SKIC8: variants seen among roughly 807,000 people sequenced by gnomAD.
SKIC8 encodes SKI8 subunit of superkiller complex.
chr15:78,289,102 C>T, the SKIC8 span, among the ~76,000 whole-genome samples: 1 of 152,266 alleles, frequency 6.6e-6, no homozygotes, highest in Admixed American at 6.5e-5. Context: ...GTTACAAGAA[C>T]TAGTATGTCT....
At chr15:78,293,315 G>A in the SKIC8 span, 18 of 1,550,794 alleles carry the variant, frequency 1.2e-5, no homozygotes, top group Non-Finnish European at 1.5e-5. Flanking sequence ...TCTTGCATAC[G>A]ACTTAATGAA....
the SKIC8 span, chr15:78,295,578 G>T: frequency 2.3e-5 from 36 of 1,544,818 alleles, no homozygotes; most frequent in African/African-American, 4.9e-4. Flanking sequence ...AGGCAAGAAT[G>T]AGATGCTAGT....
the SKIC8 span, among the ~76,000 whole-genome samples, chr15:78,287,761 C>T: frequency 4.6e-5 from 7 of 152,138 alleles, no homozygotes; most frequent in Non-Finnish European, 1.0e-4. Flanking sequence ...TTTACAATGA[C>T]GGCTGTGAAT....
the SKIC8 span, chr15:78,285,612 C>T: frequency 1.9e-6 from 1 of 538,170 alleles, no homozygotes; most frequent in Admixed American, 3.1e-5. Flanking sequence ...CCTGTTAAAG[C>T]TTCAAAACCA....
chr15:78,287,980 C>T, the SKIC8 span, among the ~76,000 whole-genome samples: 3 of 152,130 alleles, frequency 2.0e-5, no homozygotes, highest in African/African-American at 7.2e-5. Flanking sequence ...GGCTCCATTT[C>T]CTCATCTGTA....
chr15:78,299,108 G>A, the SKIC8 span, among the ~76,000 whole-genome samples: 3 of 152,170 alleles, frequency 2.0e-5, no homozygotes, highest in Non-Finnish European at 4.4e-5. Context: ...ACTCAGGCAA[G>A]TCAACAGCCC....
chr15:78,291,314 A>T, the SKIC8 span: 1 of 152,170 alleles, frequency 6.6e-6, no homozygotes, highest in Non-Finnish European at 1.5e-5. Context: ...CCCAAGATGA[A>T]AAGGTAGAAA....
chr15:78,290,242 A>C, the SKIC8 span: 1 of 862,860 alleles, frequency 1.2e-6, no homozygotes, highest in Non-Finnish European at 1.7e-6. Flanking sequence ...AAAGATGCTA[A>C]TTCTTTATCA....
chr15:78,290,209 C>T, the SKIC8 span: 2 of 1,138,820 alleles, frequency 1.8e-6, no homozygotes, highest in Middle Eastern at 2.1e-4. Flanking sequence ...GTAGCAGTGT[C>T]CTGATTCAGA....
At chr15:78,286,144 A>C in the SKIC8 span, 1 of 1,610,444 alleles carries the variant, frequency 6.2e-7, no homozygotes, top group Non-Finnish European at 8.5e-7. Flanking sequence ...CTGAAATGGG[A>C]AAGTTTCAAA....
the SKIC8 span, among the ~76,000 whole-genome samples, chr15:78,293,997 C>T: frequency 5.9e-5 from 9 of 152,186 alleles, no homozygotes; most frequent in Non-Finnish European, 1.0e-4. Context: ...AGGCTTTACC[C>T]CTGCCTGGCA....
the SKIC8 span, chr15:78,284,215 G>C: frequency 1.3e-5 from 2 of 152,126 alleles, no homozygotes; most frequent in Non-Finnish European, 2.9e-5. Flanking sequence ...TGGGCTGCAT[G>C]ATGGCCTTTC....
the SKIC8 span, chr15:78,284,864 TG>T: frequency 5.7e-6 from 1 of 176,408 alleles, no homozygotes; most frequent in Non-Finnish European, 1.2e-5. Flanking sequence ...GTCCCAAAAA[TG>T]ACAAGCGATG....
At chr15:78,297,190 A>G in the SKIC8 span, among the ~76,000 whole-genome samples, 2,066 of 152,338 alleles carry the variant, frequency 0.014, 16 homozygotes, top group South Asian at 0.031. Flanking sequence ...ATCACCGACA[A>G]AAAGCACAAA....
At chr15:78,297,341 T>C in the SKIC8 span, among the ~76,000 whole-genome samples, 2 of 152,228 alleles carry the variant, frequency 1.3e-5, no homozygotes, top group Non-Finnish European at 2.9e-5. Flanking sequence ...CGTGAAAAAA[T>C]GTCATGTCTT....
the SKIC8 span, among the ~76,000 whole-genome samples, chr15:78,294,291 C>T: frequency 6.6e-6 from 1 of 152,208 alleles, no homozygotes; most frequent in Non-Finnish European, 1.5e-5. Context: ...ATTAGGCATT[C>T]CACAAATTCC....
At chr15:78,290,735 G>A in the SKIC8 span, 1 of 152,116 alleles carries the variant, frequency 6.6e-6, no homozygotes, top group Non-Finnish European at 1.5e-5. Flanking sequence ...AATAACTGTT[G>A]GCTGTTTAAT....
At chr15:78,294,940 A>G in the SKIC8 span, 2 of 1,614,084 alleles carry the variant, frequency 1.2e-6, no homozygotes. Flanking sequence ...CAGGCAGGCT[A>G]CTTACCTTGC....
At chr15:78,286,189 C>A in the SKIC8 span, 2 of 1,478,414 alleles carry the variant, frequency 1.4e-6, no homozygotes, top group Non-Finnish European at 1.9e-6. Context: ...AGTATAATCA[C>A]TGAAGTGGAA....
Sources: allele counts gnomAD v4.1 joint callset (sites outside exome capture counted in the v4.1 genomes callset), GRCh38; gene constraint gnomAD v4.1.1; transcripts MANE v1.5; gene names NCBI Gene and HGNC (gene_info 2026-07-23, HGNC 2026-07-21).